The following IARS1 variants were observed in gnomAD, a reference collection of about 807,000 sequenced individuals.
IARS1 encodes isoleucine--tRNA ligase, cytoplasmic.
A neutral mutation model predicts 168.2 loss-of-function variants in IARS1; 124 were observed. That is an observed-to-expected ratio of 0.74 (90% CI 0.64 to 0.86). The LOEUF (loss-of-function observed/expected upper bound fraction) is 0.86. Among genes scored for constraint, IARS1 ranks in the 40% least tolerant of loss-of-function variants. The pLI, the probability that IARS1 is intolerant of heterozygous loss-of-function variation, is 0.00. For synonymous variants in IARS1, 532 were observed against 529.4 expected (o/e 1.00, Z -0.07); for missense variants, 1,452 against 1,515.8 (o/e 0.96, Z 0.70).
In IARS1 at chr9:92,212,852, A is replaced by G. The variant is rs145060142; in HGVS notation, c.3707-1963T>C. On this transcript the variant is annotated intron_variant, in intron 33 of 33. Coordinates refer to ENST00000443024, the MANE Select transcript of IARS1 (RefSeq NM_002161.6). ...GGAAGGATCTTGTGTGGAAGGGAAGATTCTGAGGCATAAGAGAATAAGGAG... is the reference window on the plus strand; with the variant it reads ...GGAAGGATCTTGTGTGGAAGGGAAGGTTCTGAGGCATAAGAGAATAAGGAG... 1.9e-3 allele frequency among the ~76,000 whole-genome samples: 289 copies of G among 152,280 alleles called. 2 individuals carry two copies. Among genetic ancestry groups the G allele is most frequent in the African/African-American group, 6.6e-3 (274 of 41,560 alleles).
rs773716619 is a variant in IARS1 at position 92,250,774 on chromosome 9, G to A, written c.2368C>T (p.Pro790Ser). The A allele has an allele frequency of 3.7e-6, 6 of 1,613,500 alleles. No homozygotes were observed. The highest frequency in any genetic ancestry group is 3.3e-5 in the Admixed American group (2 of 59,908). The part of the protein sequence containing the change: ...MYQNLKVLID[P>S]VSVQDKDTLS... ...GTGTCCTTGTCCTGAACAGAAACAG[G>A]GTCAATCAGCACCTTTAGATTCTGG... Residue 790 changes from proline to serine, a missense_variant, in exon 23 of 34, where the codon CCT (proline) becomes TCT (serine). Pro to Ser is a moderately conservative substitution (Grantham distance 74). Transcript: ENST00000443024.
Position 92,250,156 on chromosome 9 carries a change from T to C in IARS1, c.2532+31A>G, listed in dbSNP as rs748059993. The C allele has an allele frequency of 6.8e-6, 9 of 1,321,418 alleles. No individual in the cohort carries two copies. In the South Asian group the frequency reaches 1.1e-4, roughly 16 times the overall value. 81.9% of individuals were successfully genotyped at this position (1,321,418 alleles called of 1,614,324 possible). A position where few individuals can be genotyped will look rare whatever the true frequency, so the allele number is the denominator to read the frequency against. The stretch of plus-strand genomic sequence containing the variant: ...CAAACACTTAATTAATTTAGGTCTG[T>C]GCCATGTAAAATAGAAGTAAAATTT... On this transcript the variant is annotated intron_variant, in intron 24 of 33. Transcript: ENST00000443024.
intron 33 of IARS1, among the ~76,000 whole-genome samples, chr9:92,219,487 C>T (rs1449597452): frequency 3.3e-5 from 5 of 149,330 alleles, no homozygotes; most frequent in African/African-American, 9.8e-5. Context: ...AGGCAACCTA[C>T]AGAATGGGAG....
chr9:92,258,981 G>T lies in IARS1; in HGVS notation c.1889C>A (p.Ser630Tyr). 6 of 1,609,498 alleles carry T rather than the reference G, an allele frequency of 3.7e-6. No homozygotes were observed. The highest frequency in any genetic ancestry group is 5.1e-6 in the Non-Finnish European group (6 of 1,178,596). Residue 630 changes from serine (S) to tyrosine (Y), a missense_variant, in exon 19 of 34, where the codon TCC becomes TAC. Ser to Tyr is a moderately radical substitution (Grantham distance 144). Transcript: ENST00000443024. The part of the protein sequence containing the change: ...ADALRLYLIN[S>Y]PVVRAENLRF... ...GAGGTTTTCTGCTCTCACCACAGGG[G>T]AGTTAATCAGATATAATCTGGAAGA...
intron 9 of IARS1, among the ~76,000 whole-genome samples, chr9:92,277,607 C>A (rs911210732): frequency 6.6e-6 from 1 of 150,872 alleles, no homozygotes; most frequent in Admixed American, 6.6e-5. Context: ...CCCAAGAGGT[C>A]GAGGTTGCAG....
chr9:92,275,032 G>T (rs1029196622), intron 9 of IARS1, among the ~76,000 whole-genome samples: 1 of 152,098 alleles, frequency 6.6e-6, no homozygotes, highest in African/African-American at 2.4e-5. Flanking sequence ...TAATACTCAG[G>T]GGAAATGTGT....
At chr9:92,260,527 C>T (rs746373192) in intron 17 of IARS1, among the ~76,000 whole-genome samples, 1 of 152,068 alleles carries the variant, frequency 6.6e-6, no homozygotes, top group Non-Finnish European at 1.5e-5. Context: ...TGGGGGCGCA[C>T]ACTTGTAATC....
At chr9:92,288,039 G>T in intron 3 of IARS1, 87 bp downstream of exon 3, 1 of 1,520,604 alleles carries the variant, frequency 6.6e-7, no homozygotes, top group Non-Finnish European at 9.0e-7. Context: ...GACAGTCAAC[G>T]TTCATCATAC....
intron 1 of IARS1, 22 bp from the exon 2 acceptor site, chr9:92,289,448 T>C (rs1835970846): frequency 2.0e-6 from 2 of 1,000,036 alleles, no homozygotes; most frequent in Admixed American, 3.5e-5. Context: ...ATCAAATTTA[T>C]TACTGTCAAA....
chr9:92,268,323 C>G, intron 13 of IARS1, 23 bp from the exon 14 acceptor site: 12 of 1,600,962 alleles, frequency 7.5e-6, no homozygotes, highest in Non-Finnish European at 1.0e-5. Flanking sequence ...GATCACATAA[C>G]CAATCACATA....
intron 22 of IARS1, 27 bp downstream of exon 22, chr9:92,251,781 G>C (rs572632583): frequency 6.4e-7 from 1 of 1,573,444 alleles, no homozygotes; most frequent in Non-Finnish European, 8.7e-7. Context: ...AGGCCAAAGG[G>C]TACTAGAAAG....
At chr9:92,277,494 A>G (rs1039427978) in intron 9 of IARS1, among the ~76,000 whole-genome samples, 1 of 152,208 alleles carries the variant, frequency 6.6e-6, no homozygotes, top group African/African-American at 2.4e-5. Flanking sequence ...CCTGGGCAGC[A>G]TAGCGAGATT....
chr9:92,283,116 C>G (rs1278995966), intron 6 of IARS1, among the ~76,000 whole-genome samples: 1 of 151,964 alleles, frequency 6.6e-6, no homozygotes, highest in African/African-American at 2.4e-5. Context: ...TGTGCTTGGT[C>G]AAGTCAAAAA....
chr9:92,229,254 T>C, intron 30 of IARS1, 128 bp from the exon 31 acceptor site: 1 of 755,076 alleles, frequency 1.3e-6, no homozygotes, highest in Non-Finnish European at 2.1e-6. Flanking sequence ...AACTATACAC[T>C]ATATATATGT....
chr9:92,224,425 G>C (rs1825313957), intron 31 of IARS1, among the ~76,000 whole-genome samples: 1 of 152,184 alleles, frequency 6.6e-6, no homozygotes, highest in African/African-American at 2.4e-5. Flanking sequence ...CCAATAGCTG[G>C]ACTAAACGAG....
intron 1 of IARS1, among the ~76,000 whole-genome samples, chr9:92,290,263 T>C (rs1018914100): frequency 2.0e-5 from 3 of 152,188 alleles, no homozygotes; most frequent in Non-Finnish European, 2.9e-5. Flanking sequence ...AGATGTTAAG[T>C]AGTATCTTGT....
intron 31 of IARS1, among the ~76,000 whole-genome samples, chr9:92,228,043 A>G (rs1343456581): frequency 1.3e-5 from 2 of 152,150 alleles, no homozygotes; most frequent in Non-Finnish European, 2.9e-5. Flanking sequence ...CAGCCTGGGC[A>G]CCATTGAGCA....
chr9:92,262,410 TTA>T (rs1210653517), intron 17 of IARS1, among the ~76,000 whole-genome samples: 4 of 152,174 alleles, frequency 2.6e-5, no homozygotes, highest in African/African-American at 7.2e-5. Flanking sequence ...AAATTTTCAT[TTA>T]TGTTTATTTT....
intron 33 of IARS1, among the ~76,000 whole-genome samples, chr9:92,216,157 A>C (rs1838648018): frequency 6.6e-6 from 1 of 151,336 alleles, no homozygotes. Context: ...CCAGAATTTC[A>C]TATCCAGCCA....
Sources: allele counts gnomAD v4.1 joint callset (sites outside exome capture counted in the v4.1 genomes callset), GRCh38; gene constraint gnomAD v4.1.1; transcripts MANE v1.5; gene names NCBI Gene and HGNC (gene_info 2026-07-23, HGNC 2026-07-21).